LARP1B: variants seen among roughly 807,000 people sequenced by gnomAD.
LARP1B encodes the protein la-related protein 1B.
In LARP1B, 76 loss-of-function variants were observed where a neutral mutation model predicts 114.2. The ratio of observed to expected loss-of-function variants is 0.67; its 90% CI spans 0.55 to 0.81. The LOEUF is 0.81. Among genes scored for constraint, LARP1B ranks in the 30% least tolerant of loss-of-function variants. LARP1B has a pLI of 0.00. For missense variants in LARP1B, 1,014 were observed against 1,075.8 expected (o/e 0.94, Z 0.80); for synonymous variants, 345 against 348.0 (o/e 0.99, Z 0.10).
chr4:128,153,881 ATATTTTTTAT>A (rs1301311250), intron 11 of LARP1B, among the ~76,000 whole-genome samples: 2 of 152,118 alleles, frequency 1.3e-5, no homozygotes, highest in African/African-American at 4.8e-5. Context: ...CCCCAAACCT[ATATTTTTTAT>A]TTTGCTTGGA....
intron 11 of LARP1B, among the ~76,000 whole-genome samples, chr4:128,154,013 A>C (rs1018439200): frequency 6.6e-6 from 1 of 152,116 alleles, no homozygotes; most frequent in Non-Finnish European, 1.5e-5. Context: ...TCTCTATAGA[A>C]GTTTTATAGG....
intron 8 of LARP1B, among the ~76,000 whole-genome samples, chr4:128,104,818 GTGAAC>G (rs1262408041): frequency 1.3e-5 from 2 of 152,164 alleles, no homozygotes; most frequent in Non-Finnish European, 2.9e-5. Context: ...TGATGCTACT[GTGAAC>G]GTTGTCATAG....
At chr4:128,082,390 T>G in intron 5 of LARP1B, 85 bp downstream of exon 5, 15 of 1,238,602 alleles carry the variant, frequency 1.2e-5, no homozygotes, top group Non-Finnish European at 1.7e-5. Context: ...GTATAAACCA[T>G]TTGAGAATAA....
chr4:128,196,919 T>C (rs1352434133), intron 15 of LARP1B, among the ~76,000 whole-genome samples: 1 of 152,156 alleles, frequency 6.6e-6, no homozygotes, highest in Non-Finnish European at 1.5e-5. Flanking sequence ...TTGAAAACAT[T>C]ATGCTTAATG....
chr4:128,065,435 G>A (rs976208636), intron 1 of LARP1B, among the ~76,000 whole-genome samples: 2 of 149,568 alleles, frequency 1.3e-5, no homozygotes, highest in Non-Finnish European at 3.0e-5. Context: ...GTCTTGAACT[G>A]CTGGCCTCAG....
Position 128,082,312 on chromosome 4 carries a change from T to A in LARP1B, c.358+7T>A. 1.2e-6 allele frequency: 2 copies of A among 1,612,960 alleles called. No homozygotes were observed. Among genetic ancestry groups the A allele is most frequent in the Non-Finnish European group, 1.7e-6 (2 of 1,179,196 alleles). The stretch of plus-strand genomic sequence containing the variant: ...AGGAGAAATGATACACGAAGTAAGT[T>A]ACCATTCTAAGACAAAAATGACTAA... On this transcript the variant is annotated splice_region_variant and intron_variant, in intron 5 of 19. Transcript: ENST00000326639.
At chr4:128,101,446 A>G in intron 8 of LARP1B, among the ~76,000 whole-genome samples, 1 of 152,108 alleles carries the variant, frequency 6.6e-6, no homozygotes, top group East Asian at 1.9e-4. Context: ...TTGTTGGTGT[A>G]TAATTAATGA....
intron 11 of LARP1B, among the ~76,000 whole-genome samples, chr4:128,138,565 G>T (rs1726478141): frequency 6.6e-6 from 1 of 152,156 alleles, no homozygotes; most frequent in Non-Finnish European, 1.5e-5. Context: ...TGGTGGGGGA[G>T]AACACTTATG....
intron 15 of LARP1B, among the ~76,000 whole-genome samples, chr4:128,179,766 G>A (rs78843732): frequency 0.024 from 3,635 of 152,128 alleles, 129 homozygotes; most frequent in African/African-American, 0.083. Flanking sequence ...AGCTATGTAG[G>A]TCTATGAAAG....
chr4:128,189,944 T>C (rs527850689), intron 15 of LARP1B, among the ~76,000 whole-genome samples: 1 of 152,370 alleles, frequency 6.6e-6, no homozygotes, highest in Non-Finnish European at 1.5e-5. Flanking sequence ...AGTCTTCATA[T>C]TAGAGATATG....
At chr4:128,162,117 T>G in intron 11 of LARP1B, 77 bp from the exon 12 acceptor site, 24 of 1,360,754 alleles carry the variant, frequency 1.8e-5, no homozygotes, top group Non-Finnish European at 2.2e-5. Flanking sequence ...TTCATTTTTT[T>G]GAGGTTGGTA....
chr4:128,069,507 T>C lies in LARP1B; in HGVS notation c.-77-4953T>C, dbSNP rs1453988582. ...GTGCGCTTTATCAAGCCAGATGGGGTGGGGAGCCCTGTGGAGAGCAGAGAG... is the reference window on the plus strand; with the variant it reads ...GTGCGCTTTATCAAGCCAGATGGGGCGGGGAGCCCTGTGGAGAGCAGAGAG... On this transcript the variant is annotated intron_variant, in intron 1 of 19. Coordinates refer to ENST00000326639, the MANE Select transcript of LARP1B (RefSeq NM_018078.4). 5 of 749,708 alleles carry C rather than the reference T, an allele frequency of 6.7e-6. No individual in the cohort carries two copies. In the South Asian group the frequency reaches 6.8e-5, roughly 10 times the overall value. The allele number at this position is 749,708 out of a possible 1,614,324, so 46.4% of individuals were successfully genotyped here.
At chr4:128,077,013 C>T (rs952100185) in intron 3 of LARP1B, among the ~76,000 whole-genome samples, 4 of 152,090 alleles carry the variant, frequency 2.6e-5, no homozygotes, top group Non-Finnish European at 5.9e-5. Context: ...AGGTGTGAGC[C>T]ACCGAACCCA....
At chr4:128,137,503 A>G (rs1725881836) in intron 11 of LARP1B, among the ~76,000 whole-genome samples, 1 of 152,100 alleles carries the variant, frequency 6.6e-6, no homozygotes, top group South Asian at 2.1e-4. Flanking sequence ...CATTTTTTAT[A>G]TTCCATTGAC....
chr4:128,210,455 A>G lies in LARP1B; in HGVS notation c.*402A>G. The stretch of plus-strand genomic sequence containing the variant: ...TCTTAAAGAAGATATAGTATGTTGT[A>G]TTCTCTTCTTAGAGCTTTCTTAAAG... On this transcript the variant is annotated 3_prime_UTR_variant, in exon 20 of 20. Transcript: ENST00000326639. The G allele has an allele frequency of 1.0e-6, 1 of 1,003,310 alleles. No individual in the cohort carries two copies. The highest frequency in any genetic ancestry group is 1.2e-6 in the Non-Finnish European group (1 of 838,754). The allele number at this position is 1,003,310 out of a possible 1,614,324, so 62.2% of individuals were successfully genotyped here.
chr4:128,173,798 A>G (rs2150582310), intron 12 of LARP1B, among the ~76,000 whole-genome samples: 1 of 152,274 alleles, frequency 6.6e-6, no homozygotes, highest in Middle Eastern at 3.4e-3. Context: ...TTACTGCTCT[A>G]ACCCTTTTTA....
chr4:128,096,515 ATCT>A (rs1305765489), intron 7 of LARP1B, among the ~76,000 whole-genome samples: 2 of 152,112 alleles, frequency 1.3e-5, no homozygotes, highest in African/African-American at 2.4e-5. Flanking sequence ...ACATCTAATC[ATCT>A]TCTATATTTT....
chr4:128,062,610 T>TTTTTTTA (rs1760673682), intron 1 of LARP1B, among the ~76,000 whole-genome samples: 1 of 150,650 alleles, frequency 6.6e-6, no homozygotes, highest in Non-Finnish European at 1.5e-5. Context: ...TTTTTTTTTT[T>TTTTTTTA]ACATAAAAGG....
At position 128,121,828 on chromosome 4, in the gene LARP1B, A is replaced by G; in HGVS notation, c.1164A>G (p.Glu388=). Residue 388 remains glutamate, a splice_region_variant and synonymous_variant, in exon 11 of 20, where the codon GAA becomes GAG. Transcript: ENST00000326639. Reference sequence around the variant, plus strand: ...AAATTACCAATTTCTTCCTTCAGGAATCAGTGTCTGTCCCTGAAGGGTCAT... The same window carrying G: ...AAATTACCAATTTCTTCCTTCAGGAGTCAGTGTCTGTCCCTGAAGGGTCAT... The part of the protein sequence containing the change: ...RHQPAPVKLR[E]SVSVPEGSLN... 1 of 1,530,942 alleles carries G rather than the reference A, an allele frequency of 6.5e-7. No homozygotes were observed. The highest frequency in any genetic ancestry group is 8.8e-7 in the Non-Finnish European group (1 of 1,141,998). 94.8% of individuals were successfully genotyped at this position (1,530,942 alleles called of 1,614,324 possible).
Sources: allele counts gnomAD v4.1 joint callset (sites outside exome capture counted in the v4.1 genomes callset), GRCh38; gene constraint gnomAD v4.1.1; transcripts MANE v1.5; gene names NCBI Gene and HGNC (gene_info 2026-07-23, HGNC 2026-07-21).